Variants in SPIN1 observed in about 807,000 individuals in gnomAD.
SPIN1 encodes the protein spindlin 1, also known as spindlin-1.
SPIN1 carries 3 observed loss-of-function variants against 26.0 expected under a neutral mutation model. The ratio of observed to expected loss-of-function variants is 0.12; its 90% CI spans 0.05 to 0.30. The LOEUF (loss-of-function observed/expected upper bound fraction) is 0.30. Among genes scored for constraint, SPIN1 ranks in the 10% least tolerant of loss-of-function variants. The pLI is 1.00. For synonymous variants in SPIN1, 101 were observed against 116.5 expected (o/e 0.87, Z 0.86); for missense variants, 126 against 333.4 (o/e 0.38, Z 4.84).
At position 88,476,350 on chromosome 9, in the gene SPIN1, C is replaced by G. The variant is rs1352090931; in HGVS notation, c.*1073C>G. On this transcript the variant is annotated 3_prime_UTR_variant, in exon 6 of 6. Transcript: ENST00000375859. ...TTGCCTTCTAACAAGCTCTCTGGGACTTTTAAAGTTTTATTACTATTATTG... is the reference window on the plus strand; with the variant it reads ...TTGCCTTCTAACAAGCTCTCTGGGAGTTTTAAAGTTTTATTACTATTATTG... 6.6e-6 allele frequency: 1 copy of G among 152,158 alleles called. No individual in the cohort carries two copies. Among genetic ancestry groups the G allele is most frequent in the East Asian group, 1.9e-4 (1 of 5,196 alleles). 9.4% of individuals were successfully genotyped at this position (152,158 alleles called of 1,614,324 possible).
chr9:88,399,015 A>G (rs1827129171), intron 1 of SPIN1, among the ~76,000 whole-genome samples: 8 of 151,536 alleles, frequency 5.3e-5, no homozygotes. Flanking sequence ...CACACAGTGT[A>G]GGAGGAGCTG....
intron 1 of SPIN1, among the ~76,000 whole-genome samples, chr9:88,394,607 CACTA>C (rs1425626308): frequency 1.3e-5 from 2 of 152,002 alleles, no homozygotes; most frequent in Non-Finnish European, 2.9e-5. Flanking sequence ...TTGAAAATAA[CACTA>C]ATAAGCAACT....
rs1169673032 is a variant in SPIN1, at chr9:88,478,001, TTTTA to T, written c.*2728_*2731del. Reference sequence around the variant, plus strand: ...ATTTAGGTTTTTTTGTTTTCTTTATTTTTATTTGTTTTCAGTTTCCTGTATATTT... The same window carrying T: ...ATTTAGGTTTTTTTGTTTTCTTTATTTTTGTTTTCAGTTTCCTGTATATTT... On this transcript the variant is annotated 3_prime_UTR_variant, in exon 6 of 6. Coordinates refer to ENST00000375859, the MANE Select transcript of SPIN1 (RefSeq NM_006717.3). The T allele has an allele frequency of 5.3e-5, 8 of 152,156 alleles. No individual in the cohort carries two copies. The highest frequency in any genetic ancestry group is 1.0e-4 in the Non-Finnish European group (7 of 68,020). 9.4% of individuals were successfully genotyped at this position (152,156 alleles called of 1,614,324 possible). A position where few individuals can be genotyped will look rare whatever the true frequency, so the allele number is the denominator to read the frequency against.
intron 3 of SPIN1, among the ~76,000 whole-genome samples, chr9:88,451,149 C>T (rs766208276): frequency 6.6e-6 from 1 of 152,092 alleles, no homozygotes; most frequent in Non-Finnish European, 1.5e-5. Context: ...CTCTCCCCTT[C>T]ACTTTTTCCA....
chr9:88,417,231 C>T (rs1827585109), intron 1 of SPIN1, among the ~76,000 whole-genome samples: 1 of 152,128 alleles, frequency 6.6e-6, no homozygotes, highest in South Asian at 2.1e-4. Context: ...GTAATCCCCA[C>T]TAAGTTAGAA....
rs1227189491 is a variant in SPIN1 at position 88,471,645 on chromosome 9, ACT to A, written c.589+3043_589+3044del. Among the ~76,000 whole-genome samples the A allele has an allele frequency of 3.9e-5, 4 of 102,448 alleles. No individual in the cohort carries two copies. In the East Asian group the frequency reaches 9.4e-4, roughly 24 times the overall value. The allele number at this position is 102,448 out of a possible 152,430, so 67.2% of individuals were successfully genotyped here. ...ACTCCAGCCTGGGCAACAGAGCGAG[ACT>A]CTGTCTCAAAAAAAAAAAAAAAAAA... is the stretch of plus-strand genomic sequence containing the variant. On this transcript the variant is annotated intron_variant, in intron 5 of 5. Transcript: ENST00000375859.
chr9:88,401,745 AC>A (rs1227357228), intron 1 of SPIN1, among the ~76,000 whole-genome samples: 1 of 152,200 alleles, frequency 6.6e-6, no homozygotes, highest in African/African-American at 2.4e-5. Flanking sequence ...CAACTATATT[AC>A]ACAAAAAATG....
intron 1 of SPIN1, among the ~76,000 whole-genome samples, chr9:88,404,162 A>G (rs745434896): frequency 6.6e-6 from 1 of 152,216 alleles, no homozygotes; most frequent in Non-Finnish European, 1.5e-5. Context: ...GTCCACCTGT[A>G]TTAGGGCACT....
At chr9:88,416,014 C>G (rs944130026) in intron 1 of SPIN1, among the ~76,000 whole-genome samples, 17 of 151,478 alleles carry the variant, frequency 1.1e-4, no homozygotes, top group African/African-American at 3.9e-4. Flanking sequence ...CCTTGGCCTT[C>G]CAAAGTGCTG....
intron 1 of SPIN1, among the ~76,000 whole-genome samples, chr9:88,420,724 C>T (rs1384878723): frequency 6.6e-6 from 1 of 152,188 alleles, no homozygotes; most frequent in South Asian, 2.1e-4. Flanking sequence ...TGGGGGTCTT[C>T]TCTGGAGCCC....
chr9:88,415,305 C>T (rs796666395), intron 1 of SPIN1, among the ~76,000 whole-genome samples: 4 of 152,212 alleles, frequency 2.6e-5, no homozygotes, highest in African/African-American at 9.6e-5. Context: ...AGTAGCTGAA[C>T]ATTGTGTAAT....
Position 88,426,569 on chromosome 9 carries a change from C to G in SPIN1, c.30C>G (p.Gly10=). The G allele has an allele frequency of 6.2e-7, 1 of 1,613,656 alleles. No individual in the cohort carries two copies. The highest frequency in any genetic ancestry group is 8.5e-7 in the Non-Finnish European group (1 of 1,179,716). MKTPFGKTP[G]QRSRADAGHA... ...AGACCCCATTCGGAAAGACACCTGG[C>G]CAGCGGTCCAGAGCTGATGCAGGTA... Residue 10 remains glycine, a synonymous_variant, in exon 2 of 6, where the codon GGC becomes GGG. Coordinates refer to ENST00000375859, the MANE Select transcript of SPIN1 (RefSeq NM_006717.3).
chr9:88,415,989 C>G (rs921873940), intron 1 of SPIN1, among the ~76,000 whole-genome samples: 1 of 151,374 alleles, frequency 6.6e-6, no homozygotes, highest in African/African-American at 2.4e-5. Context: ...ATCTCCTGAC[C>G]TCGTGATCTG....
At chr9:88,473,164 G>A (rs769270274) in intron 5 of SPIN1, among the ~76,000 whole-genome samples, 29 of 151,938 alleles carry the variant, frequency 1.9e-4, no homozygotes, top group African/African-American at 2.9e-4. Flanking sequence ...AGGCCGAGGC[G>A]GGCGGATCAC....
intron 3 of SPIN1, chr9:88,457,656 G>A (rs1424259460): frequency 5.6e-6 from 1 of 180,078 alleles, no homozygotes; most frequent in Admixed American, 6.6e-5. Context: ...TTCTCTCAAA[G>A]TACTGAGGGG....
chr9:88,471,758 G>A (rs1284690644), intron 5 of SPIN1, among the ~76,000 whole-genome samples: 1 of 150,658 alleles, frequency 6.6e-6, no homozygotes, highest in Admixed American at 6.6e-5. Flanking sequence ...GTCTGTTGCT[G>A]TGCCAGTGCT....
chr9:88,414,755 A>G (rs1827525014), intron 1 of SPIN1, among the ~76,000 whole-genome samples: 1 of 152,222 alleles, frequency 6.6e-6, no homozygotes. Flanking sequence ...TCATGATAGA[A>G]GGAAGTGCTG....
Position 88,475,665 on chromosome 9 carries a change from A to G in SPIN1, c.*388A>G, listed in dbSNP as rs1828876771. The stretch of plus-strand genomic sequence containing the variant: ...TTATTGCCTTTTTTGAGATGTATGT[A>G]TCTGTATCTACCTATATCTATATGT... On this transcript the variant is annotated 3_prime_UTR_variant, in exon 6 of 6. Coordinates refer to ENST00000375859, the MANE Select transcript of SPIN1 (RefSeq NM_006717.3). 5.1e-6 allele frequency: 1 copy of G among 195,824 alleles called. No homozygotes were observed. The highest frequency in any genetic ancestry group is 9.7e-5 in the South Asian group (1 of 10,298). The allele number at this position is 195,824 out of a possible 1,614,324, so 12.1% of individuals were successfully genotyped here. A position where few individuals can be genotyped will look rare whatever the true frequency, so the allele number is the denominator to read the frequency against.
At chr9:88,410,851 C>T (rs1226114531) in intron 1 of SPIN1, 175 of 917,084 alleles carry the variant, frequency 1.9e-4, no homozygotes, top group Non-Finnish European at 2.3e-5. Context: ...ACCACCTCCA[C>T]GACCACCACG....
Sources: allele counts gnomAD v4.1 joint callset (sites outside exome capture counted in the v4.1 genomes callset), GRCh38; gene constraint gnomAD v4.1.1; transcripts MANE v1.5; gene names NCBI Gene and HGNC (gene_info 2026-07-23, HGNC 2026-07-21).